Variants in ANKRD12 observed in about 807,000 individuals in gnomAD.
ANKRD12 encodes the protein ankyrin repeat domain-containing protein 12.
In ANKRD12, 85 loss-of-function variants were observed where a neutral mutation model predicts 183.4. That is an observed-to-expected ratio of 0.46 (90% CI 0.39 to 0.56). The LOEUF (loss-of-function observed/expected upper bound fraction) is 0.56. Among genes scored for constraint, ANKRD12 ranks in the 20% least tolerant of loss-of-function variants. ANKRD12 has a pLI of 0.00. For missense variants in ANKRD12, 2,405 were observed against 2,357.1 expected (o/e 1.02, Z -0.42); for synonymous variants, 914 against 800.2 (o/e 1.14, Z -2.40).
At position 9,281,154 on chromosome 18, in the gene ANKRD12, C is replaced by G. The variant is rs1191279141; in HGVS notation, c.*28C>G. The G allele has an allele frequency of 1.5e-5, 23 of 1,580,002 alleles. No individual in the cohort carries two copies. Among genetic ancestry groups the G allele is most frequent in the Non-Finnish European group, 1.8e-5 (21 of 1,158,002 alleles). On this transcript the variant is annotated 3_prime_UTR_variant, in exon 13 of 13. Transcript: ENST00000262126. ...GTCAGTACTTCCTGATGGTATTGTC[C>G]TAAACTGGTGATGCTCAAGCATTAT... is the stretch of plus-strand genomic sequence containing the variant.
intron 1 of ANKRD12, chr18:9,137,503 GCCCGCCGCGCGTT>G (rs1242042547): frequency 2.0e-5 from 3 of 146,768 alleles, no homozygotes; most frequent in African/African-American, 7.3e-5. Flanking sequence ...GGCGCGCCCG[GCCCGCCGCGCGTT>G]CCCGCCGCCA....
At chr18:9,198,974 A>T (rs1281620609) in intron 3 of ANKRD12, among the ~76,000 whole-genome samples, 2 of 152,158 alleles carry the variant, frequency 1.3e-5, no homozygotes, top group Non-Finnish European at 2.9e-5. Flanking sequence ...AATTCAATGA[A>T]GAAATAGATT....
At position 9,254,261 on chromosome 18, in the gene ANKRD12, G is replaced by T; in HGVS notation, c.994G>T (p.Asp332Tyr). ...VNPSSVDENI[D>Y]SETEKDSLIC... ...TCCTTCTAGTGTTGATGAAAATATTGACTCTGAAACAGAGAAAGACTCTCT... is the reference window on the plus strand; with the variant it reads ...TCCTTCTAGTGTTGATGAAAATATTTACTCTGAAACAGAGAAAGACTCTCT... The change falls in exon 9 of 13, where the codon GAC becomes TAC. Residue 332 changes from aspartate to tyrosine, a missense_variant. Asp to Tyr is a radical substitution (Grantham distance 160). This residue lies in a region of ANKRD12 where 1,983 missense variants were observed against 1,725.9 expected (regional missense o/e 1.15). Transcript: ENST00000262126. The T allele has an allele frequency of 6.3e-7, 1 of 1,598,272 alleles. No individual in the cohort carries two copies. The highest frequency in any genetic ancestry group is 1.1e-5 in the South Asian group (1 of 87,420).
At chr18:9,264,134 G>T (rs1019340769) in intron 10 of ANKRD12, among the ~76,000 whole-genome samples, 1 of 152,124 alleles carries the variant, frequency 6.6e-6, no homozygotes, top group South Asian at 2.1e-4. Context: ...CTTGTTATTT[G>T]TTGAATTTGT....
chr18:9,195,106 A>T (rs1598515729), intron 2 of ANKRD12, among the ~76,000 whole-genome samples: 1 of 152,224 alleles, frequency 6.6e-6, no homozygotes, highest in African/African-American at 2.4e-5. Flanking sequence ...CAAATACCAC[A>T]TGATCTCATA....
chr18:9,194,345 T>G (rs1020311579), intron 2 of ANKRD12, among the ~76,000 whole-genome samples: 125 of 115,830 alleles, frequency 1.1e-3, no homozygotes, highest in Non-Finnish European at 2.0e-3. Flanking sequence ...ATTTATTTAT[T>G]TATTTATTTA....
chr18:9,154,945 A>G (rs2030183179), intron 1 of ANKRD12, among the ~76,000 whole-genome samples: 1 of 152,192 alleles, frequency 6.6e-6, no homozygotes, highest in African/African-American at 2.4e-5. Flanking sequence ...GTTTTAGAGA[A>G]GGTCTAGGAC....
At chr18:9,164,639 T>C (rs2143839596) in intron 1 of ANKRD12, among the ~76,000 whole-genome samples, 1 of 152,320 alleles carries the variant, frequency 6.6e-6, no homozygotes, top group African/African-American at 2.4e-5. Flanking sequence ...ATTTCTGCCT[T>C]AATTTTATTC....
At chr18:9,140,419 A>G (rs1161512421) in intron 1 of ANKRD12, among the ~76,000 whole-genome samples, 1 of 152,218 alleles carries the variant, frequency 6.6e-6, no homozygotes, top group African/African-American at 2.4e-5. Context: ...GCTTATGAAC[A>G]TTTTAAATAT....
At chr18:9,269,913 C>G (rs554865293) in intron 10 of ANKRD12, among the ~76,000 whole-genome samples, 1 of 152,268 alleles carries the variant, frequency 6.6e-6, no homozygotes, top group East Asian at 1.9e-4. Context: ...TGAACTCAAA[C>G]AGATTTACAA....
chr18:9,240,856 TAAAC>T (rs1028610719), intron 8 of ANKRD12, among the ~76,000 whole-genome samples: 1 of 152,170 alleles, frequency 6.6e-6, no homozygotes, highest in African/African-American at 2.4e-5. Context: ...TGTCATAAAA[TAAAC>T]AAAATGACCA....
chr18:9,276,599 A>T (rs1275492475), intron 11 of ANKRD12, among the ~76,000 whole-genome samples: 1 of 152,180 alleles, frequency 6.6e-6, no homozygotes, highest in Admixed American at 6.5e-5. Flanking sequence ...ATGTAGTCCC[A>T]GCTACCAGGG....
At chr18:9,168,907 C>T (rs574892527) in intron 1 of ANKRD12, among the ~76,000 whole-genome samples, 1 of 152,198 alleles carries the variant, frequency 6.6e-6, no homozygotes, top group East Asian at 1.9e-4. Flanking sequence ...CCCAGAGATT[C>T]TGGTATGTTG....
At chr18:9,223,873 G>C (rs1051524001) in intron 8 of ANKRD12, among the ~76,000 whole-genome samples, 3 of 152,144 alleles carry the variant, frequency 2.0e-5, no homozygotes, top group Non-Finnish European at 4.4e-5. Flanking sequence ...GACCAGAGTT[G>C]TTCTGTGTTC....
chr18:9,196,959 T>C (rs2034869794), intron 3 of ANKRD12, among the ~76,000 whole-genome samples: 1 of 152,200 alleles, frequency 6.6e-6, no homozygotes, highest in Admixed American at 6.5e-5. Context: ...ATTGAACTCT[T>C]CTCGCATATT....
intron 1 of ANKRD12, among the ~76,000 whole-genome samples, chr18:9,165,859 T>TCCC (rs1379594978): frequency 2.4e-5 from 3 of 126,182 alleles, no homozygotes; most frequent in Admixed American, 8.2e-5. Context: ...CCTAATGCTA[T>TCCC]CCCTCCCCCC....
intron 7 of ANKRD12, among the ~76,000 whole-genome samples, chr18:9,220,862 A>G (rs868212775): frequency 2.6e-5 from 4 of 152,178 alleles, no homozygotes; most frequent in African/African-American, 9.6e-5. Flanking sequence ...TAGGGAAACC[A>G]TCATTGGTTT....
At chr18:9,248,617 T>C (rs1222712651) in intron 8 of ANKRD12, among the ~76,000 whole-genome samples, 1 of 152,232 alleles carries the variant, frequency 6.6e-6, no homozygotes, top group African/African-American at 2.4e-5. Context: ...AGTACATATA[T>C]AAATAATTAT....
chr18:9,281,048 T>C lies in ANKRD12; in HGVS notation c.6111T>C (p.Ser2037=), dbSNP rs763058908. The C allele has an allele frequency of 1.2e-6, 2 of 1,614,178 alleles. No homozygotes were observed. The highest frequency in any genetic ancestry group is 1.1e-5 in the South Asian group (1 of 91,076). The change falls in exon 13 of 13, where the codon TCT becomes TCC. Residue 2037 remains serine, a synonymous_variant. Transcript: ENST00000262126. ...AACTTGATCCTGCCACCTATAAATC[T>C]ATCAGCATTTACGAAATCCAGGAGT... ...LQELDPATYK[S]ISIYEIQEFY...
Sources: allele counts gnomAD v4.1 joint callset (sites outside exome capture counted in the v4.1 genomes callset), GRCh38; gene constraint gnomAD v4.1.1; regional missense constraint gnomAD v4.1.1; transcripts MANE v1.5; gene names NCBI Gene and HGNC (gene_info 2026-07-23, HGNC 2026-07-21).